SH3RF3: variants seen among roughly 807,000 people sequenced by gnomAD.
SH3RF3 encodes E3 ubiquitin-protein ligase SH3RF3.
In SH3RF3, 29 loss-of-function variants were observed where a neutral mutation model predicts 66.3. The ratio of observed to expected loss-of-function variants is 0.44; its 90% CI spans 0.33 to 0.60. The LOEUF (loss-of-function observed/expected upper bound fraction) is 0.60. Among genes scored for constraint, SH3RF3 ranks in the 20% least tolerant of loss-of-function variants. The pLI is 0.04. For missense variants in SH3RF3, 1,194 were observed against 1,190.9 expected (o/e 1.00, Z -0.04); for synonymous variants, 583 against 532.0 (o/e 1.10, Z -1.32).
intron 1 of SH3RF3, among the ~76,000 whole-genome samples, chr2:109,161,241 G>C (rs952749171): frequency 6.6e-6 from 1 of 152,180 alleles, no homozygotes; most frequent in Non-Finnish European, 1.5e-5. Context: ...TTATAAGTCA[G>C]GCACGAGTAT....
At chr2:109,281,953 G>C (rs1477189464) in intron 1 of SH3RF3, among the ~76,000 whole-genome samples, 2 of 152,264 alleles carry the variant, frequency 1.3e-5, no homozygotes, top group African/African-American at 4.8e-5. Flanking sequence ...GTGGTTTGTA[G>C]AGCAGAAGCC....
rs568939138 is a variant in SH3RF3 at position 109,502,433 on chromosome 2, C to T, written c.*762C>T. ...TGCCTTTTTGTAAAACTAATAATGA[C>T]TTGGTTGAGCTTGAAAGAAAAGATG... On this transcript the variant is annotated 3_prime_UTR_variant, in exon 10 of 10. Coordinates refer to ENST00000309415, the MANE Select transcript of SH3RF3 (RefSeq NM_001099289.3). 5.9e-5 allele frequency: 9 copies of T among 152,288 alleles called. No homozygotes were observed. The South Asian group carries it at 1.9e-3, about 32-fold the overall frequency. The allele number at this position is 152,288 out of a possible 1,614,324, so 9.4% of individuals were successfully genotyped here. A position where few individuals can be genotyped will look rare whatever the true frequency, so the allele number is the denominator to read the frequency against.
At chr2:109,380,958 G>A (rs900769719) in intron 3 of SH3RF3, among the ~76,000 whole-genome samples, 1 of 152,252 alleles carries the variant, frequency 6.6e-6, no homozygotes, top group Non-Finnish European at 1.5e-5. Flanking sequence ...ATGTAGACCA[G>A]CAGGAGTCGT....
intron 1 of SH3RF3, among the ~76,000 whole-genome samples, chr2:109,222,497 A>G (rs1679278432): frequency 6.8e-6 from 1 of 147,752 alleles, no homozygotes; most frequent in Non-Finnish European, 1.5e-5. Context: ...CTCCAAAAAA[A>G]TAAAAAGAGT....
chr2:109,158,206 T>C (rs1233975802), intron 1 of SH3RF3, among the ~76,000 whole-genome samples: 1 of 152,118 alleles, frequency 6.6e-6, no homozygotes, highest in Non-Finnish European at 1.5e-5. Flanking sequence ...AAATGATTGC[T>C]CTGGGGAGGA....
chr2:109,459,217 A>C (rs1678148781), intron 8 of SH3RF3, among the ~76,000 whole-genome samples: 1 of 152,170 alleles, frequency 6.6e-6, no homozygotes, highest in African/African-American at 2.4e-5. Flanking sequence ...GAAGAAAACA[A>C]AGGTACTGCT....
chr2:109,418,520 G>A (rs2104515758), intron 4 of SH3RF3, among the ~76,000 whole-genome samples: 1 of 152,174 alleles, frequency 6.6e-6, no homozygotes, highest in East Asian at 1.9e-4. Context: ...CATCACTCCT[G>A]TCACTGCTCC....
chr2:109,437,740 G>T (rs191033749), intron 7 of SH3RF3, among the ~76,000 whole-genome samples: 10 of 151,798 alleles, frequency 6.6e-5, no homozygotes, highest in Non-Finnish European at 1.5e-4. Flanking sequence ...AACCGGTTTG[G>T]CCCCAGGATG....
chr2:109,216,210 A>G (rs1679098364), intron 1 of SH3RF3, among the ~76,000 whole-genome samples: 1 of 152,134 alleles, frequency 6.6e-6, no homozygotes, highest in South Asian at 2.1e-4. Flanking sequence ...CCATCATTGC[A>G]TCTACTGTTG....
intron 4 of SH3RF3, among the ~76,000 whole-genome samples, chr2:109,414,502 G>A (rs908582460): frequency 6.6e-6 from 1 of 152,130 alleles, no homozygotes; most frequent in Non-Finnish European, 1.5e-5. Context: ...CAATGGACAC[G>A]AGGAGCAATC....
intron 1 of SH3RF3, among the ~76,000 whole-genome samples, chr2:109,288,372 G>A (rs1681087475): frequency 6.6e-6 from 1 of 152,146 alleles, no homozygotes; most frequent in African/African-American, 2.4e-5. Context: ...ACACTCAGAG[G>A]TATTCTCATC....
At chr2:109,161,525 G>C (rs1677489801) in intron 1 of SH3RF3, among the ~76,000 whole-genome samples, 1 of 151,892 alleles carries the variant, frequency 6.6e-6, no homozygotes, top group Non-Finnish European at 1.5e-5. Flanking sequence ...CTGGGGAGGG[G>C]AACATGTCTT....
chr2:109,334,031 C>G (rs942769794), intron 1 of SH3RF3, among the ~76,000 whole-genome samples: 4 of 152,126 alleles, frequency 2.6e-5, no homozygotes, highest in Non-Finnish European at 5.9e-5. Context: ...AAAGTCCAGT[C>G]GCTTCCTCAA....
chr2:109,193,050 A>T (rs1001818445), intron 1 of SH3RF3, among the ~76,000 whole-genome samples: 1 of 152,226 alleles, frequency 6.6e-6, no homozygotes, highest in African/African-American at 2.4e-5. Flanking sequence ...TCAATGTGCC[A>T]AGAAATTACT....
chr2:109,203,839 T>G (rs1678743213), intron 1 of SH3RF3, among the ~76,000 whole-genome samples: 1 of 152,170 alleles, frequency 6.6e-6, no homozygotes, highest in Admixed American at 6.5e-5. Flanking sequence ...CTCTCTTGTG[T>G]GGGTGCCTCG....
intron 2 of SH3RF3, among the ~76,000 whole-genome samples, chr2:109,366,582 T>C (rs574466146): frequency 4.0e-4 from 61 of 152,304 alleles, no homozygotes; most frequent in African/African-American, 1.5e-3. Flanking sequence ...GGCATGGTGG[T>C]TCATGCCTGT....
At chr2:109,443,923 C>G (rs1248102289) in intron 7 of SH3RF3, among the ~76,000 whole-genome samples, 2 of 152,282 alleles carry the variant, frequency 1.3e-5, no homozygotes, top group Non-Finnish European at 2.9e-5. Context: ...TTCTACCCAA[C>G]AACAGCAAAA....
chr2:109,323,577 G>C (rs1682079354), intron 1 of SH3RF3, among the ~76,000 whole-genome samples: 1 of 152,208 alleles, frequency 6.6e-6, no homozygotes, highest in South Asian at 2.1e-4. Flanking sequence ...AGCGAAGCTT[G>C]AACTCAGCTG....
intron 9 of SH3RF3, among the ~76,000 whole-genome samples, chr2:109,498,113 G>A (rs373321791): frequency 2.6e-5 from 4 of 152,158 alleles, no homozygotes; most frequent in African/African-American, 7.2e-5. Flanking sequence ...TCACAGAGAC[G>A]CTGAGCTGGG....
Sources: gnomAD v4.1 joint callset for allele counts (sites outside exome capture counted in the v4.1 genomes callset) on GRCh38, gnomAD v4.1.1 for gene constraint, MANE v1.5 for transcripts, NCBI Gene and HGNC (gene_info 2026-07-23, HGNC 2026-07-21) for gene names.